Variants in IRF6 observed in about 807,000 individuals in gnomAD.
IRF6 encodes interferon regulatory factor 6.
Under a neutral mutation model 51.4 loss-of-function variants are expected in IRF6, and 6 were observed. The ratio of observed to expected loss-of-function variants is 0.12; its 90% CI spans 0.06 to 0.23. The LOEUF (loss-of-function observed/expected upper bound fraction) is 0.23. Ranked by LOEUF, IRF6 falls within the 10% of genes least tolerant of loss-of-function variation. The pLI is 1.00. For missense variants in IRF6, 348 were observed against 585.2 expected, an observed-to-expected ratio of 0.59 and a Z score of 4.18; for synonymous variants, 178 against 215.7, an observed-to-expected ratio of 0.83 and a Z score of 1.53.
At chr1:209,792,230 AAGC>A (rs1472011546) in intron 6 of IRF6, 36 bp downstream of exon 6, 2 of 1,594,868 alleles carry the variant, frequency 1.3e-6, no homozygotes, top group Admixed American at 1.7e-5. Context: ...TCTATAATAG[AAGC>A]AGAAGACCGA....
intron 1 of IRF6, among the ~76,000 whole-genome samples, chr1:209,804,858 T>A (rs1374147651): frequency 2.0e-5 from 3 of 152,166 alleles, no homozygotes; most frequent in African/African-American, 7.2e-5. Flanking sequence ...TTGCTCAGGT[T>A]AAAACACACG....
intron 3 of IRF6, among the ~76,000 whole-genome samples, chr1:209,798,398 C>T (rs2077917677): frequency 6.6e-6 from 1 of 152,244 alleles, no homozygotes; most frequent in South Asian, 2.1e-4. Context: ...TCTGGCCCCA[C>T]CCAGCTGACT....
rs373826137 is a variant in IRF6, at chr1:209,789,743, G to A, written c.1103C>T (p.Pro368Leu). ...HQKGQIEKQP[P>L]FEIYLCFGEE... is the part of the protein sequence containing the mutation. ...CCCAAAGCATAAGTAGATCTCAAAC[G>A]GTGGCTGCTTCTCTATCTGTCCTTT... The change falls in exon 8 of 9, where the codon CCG (proline) becomes CTG (leucine). Residue 368 changes from proline to leucine, a missense_variant. Coordinates refer to ENST00000367021, the MANE Select transcript of IRF6 (RefSeq NM_006147.4). The A allele has an allele frequency of 2.2e-5, 36 of 1,613,868 alleles. No homozygotes were observed. The highest frequency in any genetic ancestry group is 1.3e-4 in the Admixed American group (8 of 60,006).
chr1:209,804,233 A>G (rs1571987884), intron 1 of IRF6, among the ~76,000 whole-genome samples: 3 of 152,280 alleles, frequency 2.0e-5, no homozygotes, highest in South Asian at 4.1e-4. Flanking sequence ...TTTACCTAAC[A>G]TGTCTGATTT....
In IRF6 at chr1:209,801,274, C is replaced by T; in HGVS notation, c.140G>A (p.Ser47Asn). The T allele has an allele frequency of 6.2e-7, 1 of 1,613,284 alleles. No homozygotes were observed. The highest frequency in any genetic ancestry group is 1.1e-5 in the South Asian group (1 of 91,052). Residue 47 changes from serine to asparagine, a missense_variant, in exon 3 of 9, where the codon AGC becomes AAC. Physicochemically the swap from Ser to Asn is conservative, Grantham distance 46 (BLOSUM62 1). Coordinates refer to ENST00000367021, the MANE Select transcript of IRF6 (RefSeq NM_006147.4). Reference sequence around the variant, plus strand: ...GGTATTTTCCTCTTCTTGTTGAGGGCTATGCCGGGTGGCATGTTTCCAGGG... The same window carrying T: ...GGTATTTTCCTCTTCTTGTTGAGGGTTATGCCGGGTGGCATGTTTCCAGGG... ...QIPWKHATRH[S>N]PQQEEENTIF...
Position 209,795,281 on chromosome 1 carries a change from C to A in IRF6, c.508+9G>T. 6.2e-7 allele frequency: 1 copy of A among 1,614,126 alleles called. No individual in the cohort carries two copies. Among genetic ancestry groups the A allele is most frequent in the Non-Finnish European group, 8.5e-7 (1 of 1,180,000 alleles). On this transcript the variant is annotated intron_variant, in intron 5 of 8. Transcript: ENST00000367021. The stretch of plus-strand genomic sequence containing the variant: ...ATATGTCTCTGTACCACCCATCATC[C>A]CCACTCACCATTGATGTTCAGGAAG...
Position 209,788,642 on chromosome 1 carries a change from G to T in IRF6, c.1182C>A (p.Val394=). The part of the protein sequence containing the change: ...PLERKLILVQ[V]IPVVARMIYE... Reference sequence around the variant, plus strand: ...AGATCATCCGAGCCACTACTGGAATGACCTGTTCAGGACACAGAACACAGG... The same window carrying T: ...AGATCATCCGAGCCACTACTGGAATTACCTGTTCAGGACACAGAACACAGG... Residue 394 remains valine, a splice_region_variant and synonymous_variant, in exon 9 of 9, where the codon GTC becomes GTA. Coordinates refer to ENST00000367021, the MANE Select transcript of IRF6 (RefSeq NM_006147.4). 1 of 1,612,946 alleles carries T rather than the reference G, an allele frequency of 6.2e-7. No homozygotes were observed. Among genetic ancestry groups the T allele is most frequent in the South Asian group, 1.1e-5 (1 of 91,026 alleles).
At position 209,789,767 on chromosome 1, in the gene IRF6, T is replaced by C. The variant is rs1383184626; in HGVS notation, c.1079A>G (p.Lys360Arg). 1 of 1,613,748 alleles carries C rather than the reference T, an allele frequency of 6.2e-7. No homozygotes were observed. Among genetic ancestry groups the C allele is most frequent in the Non-Finnish European group, 8.5e-7 (1 of 1,179,864 alleles). ...CGGTGGCTGCTTCTCTATCTGTCCT[T>C]TCTGGTGGGCAATGAGATCTGCAGA... The part of the protein sequence containing the change: ...TFLSDLIAHQ[K>R]GQIEKQPPFE... Residue 360 changes from lysine (K) to arginine (R), a missense_variant, in exon 8 of 9, where the codon AAA becomes AGA. Transcript: ENST00000367021.
intron 2 of IRF6, 63 bp from the exon 3 acceptor site, chr1:209,801,479 TC>T: frequency 7.5e-7 from 1 of 1,334,600 alleles, no homozygotes; most frequent in Non-Finnish European, 1.0e-6. Context: ...TGGGAACCCT[TC>T]CCAGCCACCT....
In IRF6 at chr1:209,790,444, T is replaced by G. The variant is rs554242301; in HGVS notation, c.1060+51A>C. The G allele has an allele frequency of 2.5e-6, 4 of 1,582,410 alleles. No individual in the cohort carries two copies. The African/African-American group carries it at 4.0e-5, about 16-fold the overall frequency. ...TGAAAGACAGGGATAGTGGAAGGAA[T>G]GTACTTCCAGAGAGTGATTCCCACG... On this transcript the variant is annotated intron_variant, in intron 7 of 8. Transcript: ENST00000367021. The surrounding 1 kb of genome is among the most constrained non-coding windows in gnomAD (Gnocchi z 4.8).
chr1:209,797,362 C>A (rs2077908880), intron 3 of IRF6, among the ~76,000 whole-genome samples: 1 of 63,252 alleles, frequency 1.6e-5, no homozygotes, highest in African/African-American at 6.3e-5. Flanking sequence ...AAGAGTAAAA[C>A]TTCATCTCAA....
intron 2 of IRF6, 60 bp from the exon 3 acceptor site, chr1:209,801,476 C>G: frequency 3.7e-6 from 5 of 1,334,898 alleles, no homozygotes; most frequent in South Asian, 1.4e-5. Flanking sequence ...CACTGGGAAC[C>G]CTTCCCAGCC....
chr1:209,791,539 A>C (rs1201841589), intron 6 of IRF6, among the ~76,000 whole-genome samples: 3 of 152,214 alleles, frequency 2.0e-5, no homozygotes, highest in Non-Finnish European at 4.4e-5. Context: ...CGTCATTGAG[A>C]TAAATTCGTA....
chr1:209,793,231 TG>T (rs2077879973), intron 5 of IRF6: 1 of 152,162 alleles, frequency 6.6e-6, no homozygotes, highest in Admixed American at 6.5e-5. Flanking sequence ...TTTTAGATCA[TG>T]TCTCATTCTG....
In IRF6 at chr1:209,796,140, T is replaced by C. The variant is rs894956254; in HGVS notation, c.379+208A>G. Among the ~76,000 whole-genome samples, 3 of 152,260 alleles carry C rather than the reference T, an allele frequency of 2.0e-5. No individual in the cohort carries two copies. Among genetic ancestry groups the C allele is most frequent in the African/African-American group, 7.2e-5 (3 of 41,472 alleles). On this transcript the variant is annotated intron_variant, in intron 4 of 8. Coordinates refer to ENST00000367021, the MANE Select transcript of IRF6 (RefSeq NM_006147.4). This position sits in a 1 kb window ranked among gnomAD's most constrained non-coding sequence, Gnocchi z 4.5. Reference sequence around the variant, plus strand: ...CCCCTCCACTTTCTAATGCTTTAAGTAACCAGGTTAAAAAACATTCCCCTA... The same window carrying C: ...CCCCTCCACTTTCTAATGCTTTAAGCAACCAGGTTAAAAAACATTCCCCTA...
At chr1:209,801,561 A>C in intron 2 of IRF6, 145 bp from the exon 3 acceptor site, 1 of 672,312 alleles carries the variant, frequency 1.5e-6, no homozygotes, top group Non-Finnish European at 2.4e-6. Context: ...AAGCTGTGCC[A>C]GGTGGGAAAG....
intron 6 of IRF6, 120 bp downstream of exon 6, chr1:209,792,149 G>A: frequency 9.3e-7 from 1 of 1,075,290 alleles, no homozygotes. Flanking sequence ...AGAAACAGAG[G>A]ATGCCTCTGA....
chr1:209,794,298 C>T (rs894252558), intron 5 of IRF6, among the ~76,000 whole-genome samples: 17 of 152,082 alleles, frequency 1.1e-4, no homozygotes, highest in African/African-American at 3.1e-4. Flanking sequence ...ATTGTGGTTT[C>T]GATTTGTATT....
At position 209,787,116 on chromosome 1, in the gene IRF6, G is replaced by A. The variant is rs1216385093; in HGVS notation, c.*1304C>T. On this transcript the variant is annotated 3_prime_UTR_variant, in exon 9 of 9. Transcript: ENST00000367021. ...GACTGTTGTCCCAACTACTCAGGAGGCTGGGGCAGGACGATTGCTTGAGCC... is the reference window on the plus strand; with the variant it reads ...GACTGTTGTCCCAACTACTCAGGAGACTGGGGCAGGACGATTGCTTGAGCC... 1.3e-5 allele frequency: 2 copies of A among 152,146 alleles called. No homozygotes were observed. The highest frequency in any genetic ancestry group is 4.8e-5 in the African/African-American group (2 of 41,336). 9.4% of individuals were successfully genotyped at this position (152,146 alleles called of 1,614,324 possible).
Sources: gnomAD v4.1 joint callset for allele counts (sites outside exome capture counted in the v4.1 genomes callset) on GRCh38, gnomAD v4.1.1 for gene constraint, Gnocchi (gnomAD v3.1) non-coding constraint, MANE v1.5 for transcripts, NCBI Gene and HGNC (gene_info 2026-07-23, HGNC 2026-07-21) for gene names.